Variants in ALDH1A2 observed in about 807,000 individuals in gnomAD.
The protein encoded by ALDH1A2 is aldehyde dehydrogenase 1 family member A2, also known as retinal dehydrogenase 2.
In ALDH1A2, 27 loss-of-function variants were observed where a neutral mutation model predicts 60.3. The ratio of observed to expected loss-of-function variants is 0.45; its 90% confidence interval spans 0.33 to 0.62. The LOEUF (loss-of-function observed/expected upper bound fraction) is 0.62, where lower values mean the gene tolerates loss of function less well. ALDH1A2 is among the 20% of genes least tolerant of loss of function. The pLI, the probability that ALDH1A2 is intolerant of heterozygous loss-of-function variation, is 0.02. For synonymous variants in ALDH1A2, 289 were observed against 232.4 expected (o/e 1.24, Z -2.21); for missense variants, 581 against 643.8 (o/e 0.90, Z 1.06).
chr15:58,063,038 G>A (rs1469906059), intron 1 of ALDH1A2, among the ~76,000 whole-genome samples: 1 of 152,138 alleles, frequency 6.6e-6, no homozygotes, highest in Non-Finnish European at 1.5e-5. Context: ...ACTTCTAGGA[G>A]GAGGAGGAAG....
chr15:58,058,205 C>G, intron 1 of ALDH1A2: 2 of 733,610 alleles, frequency 2.7e-6, no homozygotes, highest in Non-Finnish European at 4.5e-6. Flanking sequence ...TCCTTCCCAC[C>G]TGAAATCGTG....
chr15:57,985,989 C>A (rs1364599786), intron 7 of ALDH1A2, among the ~76,000 whole-genome samples: 1 of 152,136 alleles, frequency 6.6e-6, no homozygotes, highest in African/African-American at 2.4e-5. Flanking sequence ...GTTTGACCAA[C>A]TGAAGTAAAT....
intron 4 of ALDH1A2, among the ~76,000 whole-genome samples, chr15:57,998,411 ACAAG>A (rs1474099389): frequency 6.6e-6 from 1 of 152,046 alleles, no homozygotes; most frequent in Non-Finnish European, 1.5e-5. Flanking sequence ...CCAACAATAG[ACAAG>A]CAGAGAGCTA....
At chr15:58,039,671 A>C (rs1321015191) in intron 1 of ALDH1A2, among the ~76,000 whole-genome samples, 1 of 151,790 alleles carries the variant, frequency 6.6e-6, no homozygotes, top group Non-Finnish European at 1.5e-5. Context: ...GTCACCTTTC[A>C]TTTTTGTGAA....
intron 1 of ALDH1A2, among the ~76,000 whole-genome samples, chr15:58,048,906 T>A (rs1896703258): frequency 6.6e-6 from 1 of 152,168 alleles, no homozygotes; most frequent in Admixed American, 6.6e-5. Context: ...ACAGTCAAGA[T>A]AATGAATATA....
chr15:58,037,190 G>C (rs886515210), intron 1 of ALDH1A2, among the ~76,000 whole-genome samples: 4 of 151,588 alleles, frequency 2.6e-5, no homozygotes, highest in African/African-American at 2.4e-5. Flanking sequence ...CACAAAGAAT[G>C]AGAGTAAATA....
At chr15:58,044,149 CTTCT>C (rs1430114220) in intron 1 of ALDH1A2, among the ~76,000 whole-genome samples, 52 of 152,054 alleles carry the variant, frequency 3.4e-4, no homozygotes, top group African/African-American at 1.2e-3. Flanking sequence ...TATCATGATG[CTTCT>C]TTTTTATTTA....
chr15:58,016,272 T>C (rs1172772587), intron 1 of ALDH1A2, among the ~76,000 whole-genome samples: 1 of 151,638 alleles, frequency 6.6e-6, no homozygotes, highest in Non-Finnish European at 1.5e-5. Flanking sequence ...GCCTCCCGAG[T>C]AGCAGGGATT....
intron 1 of ALDH1A2, among the ~76,000 whole-genome samples, chr15:58,016,234 C>T (rs1216286196): frequency 6.6e-6 from 1 of 151,880 alleles, no homozygotes; most frequent in African/African-American, 2.4e-5. Context: ...CCTCTGCCGC[C>T]CGGGGTTCAA....
intron 1 of ALDH1A2, among the ~76,000 whole-genome samples, chr15:58,019,344 A>C (rs1263427392): frequency 6.6e-6 from 1 of 152,226 alleles, no homozygotes; most frequent in Non-Finnish European, 1.5e-5. Flanking sequence ...AATGATGCCA[A>C]ATCATTTTAA....
chr15:58,012,349 C>T (rs985100892), intron 3 of ALDH1A2, among the ~76,000 whole-genome samples: 4 of 151,818 alleles, frequency 2.6e-5, no homozygotes, highest in African/African-American at 9.7e-5. Context: ...AAGAACCATG[C>T]TAGGATTACC....
At chr15:58,052,625 T>C (rs1252432697) in intron 1 of ALDH1A2, among the ~76,000 whole-genome samples, 3 of 152,152 alleles carry the variant, frequency 2.0e-5, no homozygotes, top group Non-Finnish European at 2.9e-5. Flanking sequence ...GGTCCCATTA[T>C]AGAATAGATA....
intron 1 of ALDH1A2, among the ~76,000 whole-genome samples, chr15:58,032,369 G>A (rs192174799): frequency 8.5e-5 from 13 of 152,072 alleles, no homozygotes; most frequent in African/African-American, 2.9e-4. Context: ...GTGGGGGAAG[G>A]GGGTAGGGAT....
intron 1 of ALDH1A2, among the ~76,000 whole-genome samples, chr15:58,035,740 T>C (rs947435065): frequency 6.6e-6 from 1 of 151,784 alleles, no homozygotes; most frequent in Admixed American, 6.6e-5. Context: ...TCTGTTTTAG[T>C]TTAATTCCAC....
intron 7 of ALDH1A2, among the ~76,000 whole-genome samples, chr15:57,984,357 A>AT: frequency 6.6e-6 from 1 of 152,258 alleles, no homozygotes; most frequent in Admixed American, 6.5e-5. Flanking sequence ...AAATTAATTG[A>AT]TTTTTCACAG....
intron 7 of ALDH1A2, among the ~76,000 whole-genome samples, chr15:57,985,919 A>G (rs1285850113): frequency 6.6e-6 from 1 of 152,216 alleles, no homozygotes; most frequent in Non-Finnish European, 1.5e-5. Flanking sequence ...ATATTAATTA[A>G]TTAAATCAAG....
At chr15:58,032,879 C>T (rs1183492245) in intron 1 of ALDH1A2, among the ~76,000 whole-genome samples, 3 of 151,734 alleles carry the variant, frequency 2.0e-5, no homozygotes, top group Non-Finnish European at 2.9e-5. Context: ...TTTGCAGCAA[C>T]GTAGATGGGA....
chr15:58,044,118 G>A (rs1270140819), intron 1 of ALDH1A2, among the ~76,000 whole-genome samples: 3 of 152,058 alleles, frequency 2.0e-5, no homozygotes, highest in South Asian at 4.1e-4. Flanking sequence ...GACCAGATCC[G>A]AGTGATCTTT....
chr15:58,021,349 G>C (rs1282762107), intron 1 of ALDH1A2, among the ~76,000 whole-genome samples: 1 of 152,024 alleles, frequency 6.6e-6, no homozygotes, highest in Non-Finnish European at 1.5e-5. Context: ...CAACAAAGAA[G>C]GGACAGGAAG....
Sources: gnomAD v4.1 joint callset for allele counts (sites outside exome capture counted in the v4.1 genomes callset) on GRCh38, gnomAD v4.1.1 for gene constraint, MANE v1.5 for transcripts, NCBI Gene and HGNC (gene_info 2026-07-23, HGNC 2026-07-21) for gene names.